WWOX: variants seen among roughly 807,000 people sequenced by gnomAD.
The protein encoded by WWOX is WW domain containing oxidoreductase, also known as WW domain-containing oxidoreductase.
A neutral mutation model predicts 46.2 loss-of-function variants in WWOX; 69 were observed. That is an observed-to-expected ratio of 1.49 (90% CI 1.23 to 1.82). The LOEUF is 1.82. Ranked by LOEUF, WWOX falls within the 40% of genes most tolerant of loss-of-function variation. The pLI, the probability that WWOX is intolerant of heterozygous loss-of-function variation, is 0.00. For synonymous variants in WWOX, 359 were observed against 202.6 expected (o/e 1.77, Z -6.56); for missense variants, 919 against 542.6 (o/e 1.69, Z -6.89).
chr16:78,574,883 G>C (rs907035872), intron 8 of WWOX, among the ~76,000 whole-genome samples: 8 of 148,288 alleles, frequency 5.4e-5, no homozygotes, highest in Non-Finnish European at 1.2e-4. Context: ...CTAATGTACA[G>C]CATGAGTGGT....
chr16:78,357,212 C>G (rs995810721), intron 5 of WWOX, among the ~76,000 whole-genome samples: 3 of 152,124 alleles, frequency 2.0e-5, no homozygotes, highest in African/African-American at 4.8e-5. Flanking sequence ...ATATGAGTTG[C>G]TAGCTGGGTT....
At chr16:78,876,690 C>A (rs1275240098) in intron 8 of WWOX, among the ~76,000 whole-genome samples, 1 of 152,056 alleles carries the variant, frequency 6.6e-6, no homozygotes, top group Non-Finnish European at 1.5e-5. Flanking sequence ...CTCAGAACAG[C>A]CCAGTTAGGG....
intron 8 of WWOX, among the ~76,000 whole-genome samples, chr16:79,104,038 G>GT (rs1555528229): frequency 5.9e-4 from 2 of 3,372 alleles, no homozygotes; most frequent in African/African-American, 1.6e-3. Flanking sequence ...GCCCTTTTTT[G>GT]GGGGGGGGGG....
At position 78,350,560 on chromosome 16, in the gene WWOX, T is replaced by G. The variant is rs926014515; in HGVS notation, c.517-36300T>G. Among the ~76,000 whole-genome samples, 41 of 121,252 alleles carry G rather than the reference T, an allele frequency of 3.4e-4. 14 individuals carry two copies. The highest frequency in any genetic ancestry group is 1.8e-3 in the Admixed American group (22 of 12,418). The allele number at this position is 121,252 out of a possible 152,430, so 79.5% of individuals were successfully genotyped here. A position where few individuals can be genotyped will look rare whatever the true frequency, so the allele number is the denominator to read the frequency against. On this transcript the variant is annotated intron_variant, in intron 5 of 8. Coordinates refer to ENST00000566780, the MANE Select transcript of WWOX (RefSeq NM_016373.4). ...TCATATAAATAAATCAGATACTGTG[T>G]GGCCCTTTGTGTCTCGATCCTTACA... is the stretch of plus-strand genomic sequence containing the variant.
chr16:79,112,370 G>C (rs892020639), intron 8 of WWOX, among the ~76,000 whole-genome samples: 2 of 152,148 alleles, frequency 1.3e-5, no homozygotes, highest in African/African-American at 4.8e-5. Flanking sequence ...AAAAGAGCCA[G>C]AGAGTTGGGG....
chr16:78,911,575 G>A lies in WWOX; in HGVS notation c.1057-300033G>A, dbSNP rs145860500. 3.7e-3 allele frequency among the ~76,000 whole-genome samples: 567 copies of A among 152,140 alleles called. 9 individuals are homozygous for A. Among genetic ancestry groups the A allele is most frequent in the South Asian group, 0.01 (50 of 4,822 alleles). ...ATTCTCCCCAGTGGCAATGTTGTAA[G>A]AAACACCAGGCCGGGCACAGTGGCT... On this transcript the variant is annotated intron_variant, in intron 8 of 8. Coordinates refer to ENST00000566780, the MANE Select transcript of WWOX (RefSeq NM_016373.4).
At chr16:78,140,264 G>T (rs1032887805) in intron 4 of WWOX, among the ~76,000 whole-genome samples, 5 of 152,174 alleles carry the variant, frequency 3.3e-5, no homozygotes, top group Non-Finnish European at 1.5e-5. Flanking sequence ...TTAAGAGTAA[G>T]CAGAATCTAC....
At chr16:78,806,210 T>C (rs2051033311) in intron 8 of WWOX, among the ~76,000 whole-genome samples, 2 of 152,204 alleles carry the variant, frequency 1.3e-5, no homozygotes, top group African/African-American at 4.8e-5. Context: ...AACCAAGACC[T>C]TGAACTTTTT....
chr16:78,475,719 C>T (rs973520018), intron 8 of WWOX, among the ~76,000 whole-genome samples: 1 of 152,118 alleles, frequency 6.6e-6, no homozygotes, highest in African/African-American at 2.4e-5. Context: ...TCTCAGCCTC[C>T]CCAGTAGCTG....
At chr16:78,614,572 C>T (rs1188178654) in intron 8 of WWOX, among the ~76,000 whole-genome samples, 1 of 152,186 alleles carries the variant, frequency 6.6e-6, no homozygotes, top group Non-Finnish European at 1.5e-5. Flanking sequence ...TGATGCCATT[C>T]TCTTAATTTC....
At chr16:78,740,851 TA>T (rs955677508) in intron 8 of WWOX, among the ~76,000 whole-genome samples, 1 of 152,208 alleles carries the variant, frequency 6.6e-6, no homozygotes, top group African/African-American at 2.4e-5. Flanking sequence ...ACTCCTATGA[TA>T]AAAAGAGTTG....
chr16:78,930,019 G>T (rs1318507623), intron 8 of WWOX, among the ~76,000 whole-genome samples: 17 of 152,130 alleles, frequency 1.1e-4, no homozygotes, highest in African/African-American at 4.8e-5. Flanking sequence ...GAATGGGGTG[G>T]CAGGGAAGTC....
intron 8 of WWOX, among the ~76,000 whole-genome samples, chr16:78,985,833 C>G (rs142005776): frequency 6.6e-6 from 1 of 152,354 alleles, no homozygotes; most frequent in East Asian, 1.9e-4. Context: ...GCTGACCACT[C>G]CGGAAGGAGT....
chr16:78,660,370 A>G (rs1416241339), intron 8 of WWOX, among the ~76,000 whole-genome samples: 1 of 152,122 alleles, frequency 6.6e-6, no homozygotes. Flanking sequence ...GCTTGGGGAA[A>G]CAGAAGGAAA....
intron 1 of WWOX, among the ~76,000 whole-genome samples, chr16:78,105,127 G>C (rs1379111288): frequency 6.6e-6 from 1 of 152,218 alleles, no homozygotes; most frequent in African/African-American, 2.4e-5. Context: ...ATTGGCATCT[G>C]ATGGGCAGAG....
chr16:79,130,669 A>G (rs1382321487), intron 8 of WWOX, among the ~76,000 whole-genome samples: 1 of 152,226 alleles, frequency 6.6e-6, no homozygotes, highest in Non-Finnish European at 1.5e-5. Context: ...ACCCAGGGCA[A>G]CAAGAAACAA....
chr16:78,599,712 T>C (rs892676918), intron 8 of WWOX, among the ~76,000 whole-genome samples: 1 of 152,066 alleles, frequency 6.6e-6, no homozygotes, highest in Non-Finnish European at 1.5e-5. Flanking sequence ...GCCTTGTGTT[T>C]AGGAAGTGGG....
intron 8 of WWOX, among the ~76,000 whole-genome samples, chr16:79,167,674 C>A (rs1032323850): frequency 1.3e-5 from 2 of 152,248 alleles, no homozygotes; most frequent in African/African-American, 4.8e-5. Context: ...GATTCAAATT[C>A]AGGCCACAAT....
At chr16:78,358,412 C>G (rs1430649159) in intron 5 of WWOX, among the ~76,000 whole-genome samples, 5 of 152,140 alleles carry the variant, frequency 3.3e-5, no homozygotes, top group Non-Finnish European at 7.3e-5. Flanking sequence ...AATCCCGGCA[C>G]TTTGGGAGGC....
Sources: gnomAD v4.1 joint callset for allele counts (sites outside exome capture counted in the v4.1 genomes callset) on GRCh38, gnomAD v4.1.1 for gene constraint, MANE v1.5 for transcripts, NCBI Gene and HGNC (gene_info 2026-07-23, HGNC 2026-07-21) for gene names.